CNRIP1: variants seen among roughly 807,000 people sequenced by gnomAD.
CNRIP1 encodes the protein CB1 cannabinoid receptor-interacting protein 1.
Under a neutral mutation model 15.2 loss-of-function variants are expected in CNRIP1, and 10 were observed. The observed-to-expected ratio is 0.66, with a 90% CI of 0.41 to 1.12. The LOEUF is 1.12. Ranked by LOEUF, CNRIP1 falls within the 50% of genes most tolerant of loss-of-function variation. The pLI is 0.00. For missense variants in CNRIP1, 211 were observed against 214.7 expected (o/e 0.98, Z 0.11); for synonymous variants, 91 against 83.2 (o/e 1.09, Z -0.51).
chr2:68,296,855 G>A (rs1385852313), intron 2 of CNRIP1, among the ~76,000 whole-genome samples: 3 of 152,082 alleles, frequency 2.0e-5, no homozygotes, highest in South Asian at 2.1e-4. Flanking sequence ...TGGCCAGTCT[G>A]GTCTTGAACT....
chr2:68,291,041 G>A (rs182311824), downstream of CNRIP1, among the ~76,000 whole-genome samples: 3 of 152,278 alleles, frequency 2.0e-5, no homozygotes, highest in East Asian at 3.9e-4. Context: ...TCAGCAGCTC[G>A]ATATAGCTGA....
intron 1 of CNRIP1, among the ~76,000 whole-genome samples, chr2:68,318,338 TG>T (rs1468227270): frequency 1.3e-5 from 2 of 152,164 alleles, no homozygotes; most frequent in African/African-American, 2.4e-5. Context: ...ATACAATAAA[TG>T]CTGGTTTATT....
chr2:68,294,772 G>C (rs1671287061), intron 2 of CNRIP1, among the ~76,000 whole-genome samples: 1 of 152,140 alleles, frequency 6.6e-6, no homozygotes, highest in Admixed American at 6.5e-5. Context: ...TACATCTTGG[G>C]CTTAGATTAT....
At chr2:68,300,743 C>T (rs181900209) in intron 2 of CNRIP1, among the ~76,000 whole-genome samples, 1 of 152,002 alleles carries the variant, frequency 6.6e-6, no homozygotes, top group Admixed American at 6.5e-5. Flanking sequence ...AATTGATAAA[C>T]CCCTAACAAA....
At chr2:68,305,259 A>AAAAAT (rs1267101468) in intron 2 of CNRIP1, among the ~76,000 whole-genome samples, 4 of 100,366 alleles carry the variant, frequency 4.0e-5, no homozygotes, top group African/African-American at 1.1e-4. Context: ...AAAAAAAAAA[A>AAAAAT]ATATATATAT....
Position 68,319,544 on chromosome 2 carries a change from C to G in CNRIP1, c.-144G>C. On this transcript the variant is annotated 5_prime_UTR_variant, in exon 1 of 3. Transcript: ENST00000263655. ...AGCTGAGGCTGCCGCTAGGAACCCG[C>G]GCCGTCGCCGCCGTCCGCCCGGGCT... 1 of 764,230 alleles carries G rather than the reference C, an allele frequency of 1.3e-6. No individual in the cohort carries two copies. The highest frequency in any genetic ancestry group is 2.0e-6 in the Non-Finnish European group (1 of 508,636). 47.3% of individuals were successfully genotyped at this position (764,230 alleles called of 1,614,324 possible).
chr2:68,305,521 G>C (rs557649530), intron 2 of CNRIP1, among the ~76,000 whole-genome samples: 14 of 151,702 alleles, frequency 9.2e-5, no homozygotes, highest in Middle Eastern at 3.4e-3. Context: ...GTAGGCCGGG[G>C]GCGGTGGCTC....
At chr2:68,292,382 T>C (rs1671196651), downstream of CNRIP1, among the ~76,000 whole-genome samples, 1 of 152,188 alleles carries the variant, frequency 6.6e-6, no homozygotes, top group South Asian at 2.1e-4. Flanking sequence ...GAAAAGGTGT[T>C]GAGTGCCAGC....
intron 2 of CNRIP1, among the ~76,000 whole-genome samples, chr2:68,301,893 CAAAAAAAAAAAAAA>C (rs61613452): frequency 9.4e-5 from 7 of 74,314 alleles, no homozygotes; most frequent in Admixed American, 1.8e-4. Flanking sequence ...GTCTCCGTCT[CAAAAAAAAAAAAAA>C]AAAAAAAAAT....
chr2:68,310,973 C>G (rs551539427), intron 2 of CNRIP1, among the ~76,000 whole-genome samples: 20 of 151,892 alleles, frequency 1.3e-4, no homozygotes, highest in Non-Finnish European at 2.6e-4. Context: ...AAGGATACAT[C>G]AGTAGAAATG....
chr2:68,313,540 C>A (rs1235975335), intron 2 of CNRIP1, among the ~76,000 whole-genome samples: 2 of 152,042 alleles, frequency 1.3e-5, no homozygotes, highest in Non-Finnish European at 2.9e-5. Flanking sequence ...TGAATCTCAA[C>A]ATTATACTAA....
chr2:68,310,113 A>C (rs1034661191), intron 2 of CNRIP1, among the ~76,000 whole-genome samples: 2 of 152,154 alleles, frequency 1.3e-5, no homozygotes, highest in Non-Finnish European at 1.5e-5. Flanking sequence ...GGATCACTTG[A>C]GGTCAGGAGT....
intron 2 of CNRIP1, among the ~76,000 whole-genome samples, chr2:68,311,680 C>T (rs1672078107): frequency 6.8e-6 from 1 of 146,738 alleles, no homozygotes; most frequent in South Asian, 2.1e-4. Context: ...GAGGCCGAGG[C>T]AGGAGAATTG....
chr2:68,315,682 A>G (rs1350240088), intron 2 of CNRIP1, among the ~76,000 whole-genome samples: 1 of 152,144 alleles, frequency 6.6e-6, no homozygotes, highest in Admixed American at 6.6e-5. Flanking sequence ...ATACTCAAAT[A>G]TATATATTTA....
intron 2 of CNRIP1, among the ~76,000 whole-genome samples, chr2:68,299,048 G>T (rs1299936503): frequency 6.6e-6 from 1 of 152,040 alleles, no homozygotes; most frequent in Admixed American, 6.6e-5. Flanking sequence ...TCTTGTGCCT[G>T]GTTTTATTAT....
chr2:68,301,431 C>T (rs1671599877), intron 2 of CNRIP1, among the ~76,000 whole-genome samples: 1 of 152,140 alleles, frequency 6.6e-6, no homozygotes. Flanking sequence ...TGGCAAAAGA[C>T]CGAGTGGTTT....
chr2:68,303,080 T>C (rs13013690), intron 2 of CNRIP1, among the ~76,000 whole-genome samples: 40,894 of 146,368 alleles, frequency 0.28, 5,817 homozygotes, highest in African/African-American at 0.31. Flanking sequence ...ATCTCCTGAC[T>C]TCGTGATCCA....
chr2:68,304,626 CTTTTT>C (rs11292248), intron 2 of CNRIP1, among the ~76,000 whole-genome samples: 1 of 137,008 alleles, frequency 7.3e-6, no homozygotes, highest in Admixed American at 7.3e-5. Context: ...ATCTGGTTGT[CTTTTT>C]TTTTTTTTTG....
chr2:68,302,433 A>G (rs932469114), intron 2 of CNRIP1, among the ~76,000 whole-genome samples: 1 of 152,190 alleles, frequency 6.6e-6, no homozygotes, highest in African/African-American at 2.4e-5. Context: ...CAGACTCTCT[A>G]TCTGGCCTTT....
Sources: allele counts gnomAD v4.1 joint callset (sites outside exome capture counted in the v4.1 genomes callset), GRCh38; gene constraint gnomAD v4.1.1; transcripts MANE v1.5; gene names NCBI Gene and HGNC (gene_info 2026-07-23, HGNC 2026-07-21).